Variants in APBB2 observed in about 807,000 individuals in gnomAD.
APBB2 encodes the protein amyloid beta precursor protein binding family B member 2.
A neutral mutation model predicts 82.5 loss-of-function variants in APBB2; 38 were observed. The observed-to-expected ratio is 0.46, with a 90% CI of 0.36 to 0.60. The LOEUF is 0.60. Among genes scored for constraint, APBB2 ranks in the 20% least tolerant of loss-of-function variants. The pLI is 0.00. For synonymous variants in APBB2, 341 were observed against 368.2 expected (o/e 0.93, Z 0.85); for missense variants, 772 against 972.3 (o/e 0.79, Z 2.74).
chr4:40,938,503 TAG>T lies in APBB2; in HGVS notation c.1045-3366_1045-3365del, dbSNP rs143771304. ...TGGGGTCTTGGAAAGCAATTCCACATAGCAAACAAAAATGACGCATTATCTTT... is the reference window on the plus strand; with the variant it reads ...TGGGGTCTTGGAAAGCAATTCCACATCAAACAAAAATGACGCATTATCTTT... On this transcript the variant is annotated intron_variant, in intron 7 of 17. Coordinates refer to ENST00000508593, the MANE Select transcript of APBB2 (RefSeq NM_004307.2). Among the ~76,000 whole-genome samples, 6 of 152,308 alleles carry T rather than the reference TAG, an allele frequency of 3.9e-5. No individual in the cohort carries two copies. In the East Asian group the frequency reaches 7.7e-4, roughly 20 times the overall value.
intron 16 of APBB2, 80 bp downstream of exon 16, chr4:40,823,564 T>C: frequency 1.0e-6 from 1 of 1,001,466 alleles, no homozygotes; most frequent in Admixed American, 1.8e-5. Context: ...CTTGACTATG[T>C]TCCTAAGTTC....
chr4:40,996,087 T>G (rs1228674217), intron 6 of APBB2, among the ~76,000 whole-genome samples: 1 of 152,210 alleles, frequency 6.6e-6, no homozygotes, highest in African/African-American at 2.4e-5. Flanking sequence ...GAACATCAGT[T>G]TGTGAGTGCT....
rs369261684 is a variant in APBB2 at position 40,982,249 on chromosome 4, A to G, written c.835+31334T>C. 5.3e-3 allele frequency among the ~76,000 whole-genome samples: 63 copies of G among 11,882 alleles called. 1 individual carries two copies. The highest frequency in any genetic ancestry group is 9.1e-3 in the Non-Finnish European group (45 of 4,940). The allele number at this position is 11,882 out of a possible 152,430, so 7.8% of individuals were successfully genotyped here. On this transcript the variant is annotated intron_variant, in intron 6 of 17. Coordinates refer to ENST00000508593, the MANE Select transcript of APBB2 (RefSeq NM_004307.2). ...AAGAAAGAAAGAAAGAAAGAAAGAAAGAAAGAAAGAAAGAAAGAAAGAAAG... is the reference window on the plus strand; with the variant it reads ...AAGAAAGAAAGAAAGAAAGAAAGAAGGAAAGAAAGAAAGAAAGAAAGAAAG...
chr4:41,108,451 A>C (rs1443245996), intron 2 of APBB2, among the ~76,000 whole-genome samples: 1 of 152,206 alleles, frequency 6.6e-6, no homozygotes, highest in Admixed American at 6.5e-5. Flanking sequence ...AAGAAAAAAA[A>C]AGAGACCCGT....
At chr4:41,012,749 ACTT>A (rs1354321348) in intron 6 of APBB2, among the ~76,000 whole-genome samples, 8 of 152,210 alleles carry the variant, frequency 5.3e-5, no homozygotes, top group Non-Finnish European at 1.0e-4. Flanking sequence ...CTGCTGGACT[ACTT>A]TTAAAAAATT....
At chr4:40,863,079 G>A (rs1482825395) in intron 12 of APBB2, among the ~76,000 whole-genome samples, 4 of 152,194 alleles carry the variant, frequency 2.6e-5, no homozygotes, top group African/African-American at 9.6e-5. Flanking sequence ...AGACACTGGA[G>A]GATGGGATGC....
At chr4:41,131,755 T>A (rs1756059928) in intron 2 of APBB2, among the ~76,000 whole-genome samples, 1 of 152,100 alleles carries the variant, frequency 6.6e-6, no homozygotes, top group Non-Finnish European at 1.5e-5. Context: ...AAAATAAAAC[T>A]TCGGCCGGGC....
intron 6 of APBB2, among the ~76,000 whole-genome samples, chr4:40,961,698 A>ACC (rs1793350961): frequency 1.5e-5 from 1 of 64,718 alleles, no homozygotes; most frequent in African/African-American, 5.3e-5. Context: ...AAAAAAAAAA[A>ACC]AAGAAACCAG....
chr4:40,990,550 G>A (rs1363857053), intron 6 of APBB2, among the ~76,000 whole-genome samples: 1 of 152,158 alleles, frequency 6.6e-6, no homozygotes, highest in East Asian at 1.9e-4. Context: ...TCAGCAAACA[G>A]CTCAGGATTT....
At chr4:40,982,182 T>A in intron 6 of APBB2, among the ~76,000 whole-genome samples, 1 of 120,518 alleles carries the variant, frequency 8.3e-6, no homozygotes. Flanking sequence ...TGAAACTCTG[T>A]CTCAAAAAAA....
intron 10 of APBB2, among the ~76,000 whole-genome samples, chr4:40,925,531 C>T (rs536046162): frequency 3.3e-5 from 5 of 152,256 alleles, no homozygotes; most frequent in African/African-American, 1.2e-4. Context: ...ATGCTCCTTT[C>T]GCACTTAGCA....
intron 1 of APBB2, among the ~76,000 whole-genome samples, chr4:41,189,672 C>T (rs544474782): frequency 2.0e-4 from 30 of 152,322 alleles, no homozygotes; most frequent in African/African-American, 7.0e-4. Context: ...CGGTATACTT[C>T]TCTCTCCTGA....
At chr4:41,059,263 C>T (rs1728903190) in intron 4 of APBB2, among the ~76,000 whole-genome samples, 1 of 152,246 alleles carries the variant, frequency 6.6e-6, no homozygotes. Context: ...GAGTTTGAGA[C>T]CAGCCTGGCC....
At chr4:41,141,314 CTGTGTGTGTGTGTGTGTCTG>C (rs767748052) in intron 2 of APBB2, among the ~76,000 whole-genome samples, 2 of 27,630 alleles carry the variant, frequency 7.2e-5, no homozygotes, top group East Asian at 3.0e-3. Context: ...ATGTGTGTGT[CTGTGTGTGTGTGTGTGTCTG>C]TGTGTGTGTG....
At chr4:41,129,028 G>A (rs1387293898) in intron 2 of APBB2, among the ~76,000 whole-genome samples, 1 of 151,900 alleles carries the variant, frequency 6.6e-6, no homozygotes, top group Non-Finnish European at 1.5e-5. Flanking sequence ...CCGTGTCTTT[G>A]ACCAAATCCT....
At chr4:40,856,246 T>G (rs1203608437) in intron 12 of APBB2, among the ~76,000 whole-genome samples, 1 of 152,226 alleles carries the variant, frequency 6.6e-6, no homozygotes, top group African/African-American at 2.4e-5. Context: ...TAATGAAGAT[T>G]CACAGCTACA....
intron 6 of APBB2, among the ~76,000 whole-genome samples, chr4:40,978,570 C>T (rs1797734014): frequency 6.6e-6 from 1 of 150,494 alleles, no homozygotes; most frequent in South Asian, 2.1e-4. Flanking sequence ...TGAATATTTT[C>T]CTTGGGAAAA....
At chr4:40,991,928 A>T (rs903710889) in intron 6 of APBB2, among the ~76,000 whole-genome samples, 2 of 152,048 alleles carry the variant, frequency 1.3e-5, no homozygotes, top group Admixed American at 6.6e-5. Flanking sequence ...TCTACCTGTG[A>T]GGGTGTTCTA....
intron 12 of APBB2, chr4:40,848,883 C>A: frequency 1.0e-6 from 1 of 985,354 alleles, no homozygotes; most frequent in African/African-American, 1.7e-5. Flanking sequence ...CTGAGGATCC[C>A]CCAGTCATTG....
Sources: allele counts gnomAD v4.1 joint callset (sites outside exome capture counted in the v4.1 genomes callset), GRCh38; gene constraint gnomAD v4.1.1; transcripts MANE v1.5; gene names NCBI Gene and HGNC (gene_info 2026-07-23, HGNC 2026-07-21).